EIF2B3: variants seen among roughly 807,000 people sequenced by gnomAD.
EIF2B3 encodes the protein translation initiation factor eIF2B subunit gamma.
EIF2B3 carries 20 observed loss-of-function variants against 54.1 expected under a neutral mutation model. The ratio of observed to expected loss-of-function variants is 0.37; its 90% CI spans 0.26 to 0.54. The LOEUF is 0.54. Ranked by LOEUF, EIF2B3 falls within the 20% of genes least tolerant of loss-of-function variation. The pLI is 0.86. For synonymous variants in EIF2B3, 153 were observed against 188.1 expected (o/e 0.81, Z 1.52); for missense variants, 448 against 547.8 (o/e 0.82, Z 1.82).
chr1:44,863,677 C>T (rs1395598324), intron 10 of EIF2B3, among the ~76,000 whole-genome samples: 1 of 152,178 alleles, frequency 6.6e-6, no homozygotes, highest in Non-Finnish European at 1.5e-5. Flanking sequence ...CATTTCCTTC[C>T]TTCTTCCACC....
Position 44,866,900 on chromosome 1 carries a change from A to G in EIF2B3, c.1202+7778T>C, listed in dbSNP as rs1023494617. ...GCTGCATGGAAGAGTTGGAATATGC[A>G]TTGGATCTTGCAAGATGGGTAGGAT... On this transcript the variant is annotated intron_variant, in intron 10 of 11. Transcript: ENST00000360403. 3.9e-5 allele frequency among the ~76,000 whole-genome samples: 6 copies of G among 152,284 alleles called. 1 individual carries two copies. The South Asian group carries it at 8.3e-4, about 21-fold the overall frequency.
chr1:44,927,797 A>C (rs905790856), intron 4 of EIF2B3, among the ~76,000 whole-genome samples: 7 of 152,098 alleles, frequency 4.6e-5, no homozygotes, highest in African/African-American at 1.4e-4. Flanking sequence ...ACTTATTCTC[A>C]GATAGCTCAG....
chr1:44,916,774 T>G (rs1192089639), intron 5 of EIF2B3, among the ~76,000 whole-genome samples: 3 of 148,104 alleles, frequency 2.0e-5, no homozygotes, highest in Non-Finnish European at 4.5e-5. Context: ...AGTGAGCCAC[T>G]GTACTCCAGC....
At chr1:44,932,864 T>C (rs1643909734) in intron 4 of EIF2B3, among the ~76,000 whole-genome samples, 1 of 152,162 alleles carries the variant, frequency 6.6e-6, no homozygotes, top group African/African-American at 2.4e-5. Context: ...CTTTCAGGGA[T>C]ACAAAAGCTC....
intron 6 of EIF2B3, among the ~76,000 whole-genome samples, chr1:44,896,112 T>C (rs1179688296): frequency 3.3e-5 from 5 of 152,204 alleles, no homozygotes. Context: ...GTAATTTCCA[T>C]GAGGGCAGGG....
chr1:44,917,025 G>A (rs1009299024), intron 5 of EIF2B3, among the ~76,000 whole-genome samples: 1 of 152,054 alleles, frequency 6.6e-6, no homozygotes, highest in East Asian at 1.9e-4. Flanking sequence ...ACGGGACATT[G>A]TTCCTCTTGT....
At chr1:44,973,771 T>G (rs1239200212) in intron 3 of EIF2B3, among the ~76,000 whole-genome samples, 1 of 151,984 alleles carries the variant, frequency 6.6e-6, no homozygotes, top group Non-Finnish European at 1.5e-5. Context: ...GTCAAAATCA[T>G]AGAAATAGGA....
intron 8 of EIF2B3, among the ~76,000 whole-genome samples, chr1:44,878,813 C>T (rs986867566): frequency 1.3e-5 from 2 of 150,634 alleles, no homozygotes; most frequent in South Asian, 2.1e-4. Flanking sequence ...GGCTGGAGTG[C>T]GGTGGTGCAA....
chr1:44,885,948 T>A (rs796843915), intron 6 of EIF2B3, among the ~76,000 whole-genome samples: 1 of 148,452 alleles, frequency 6.7e-6, no homozygotes, highest in Admixed American at 6.9e-5. Context: ...GGTTTCACCA[T>A]GTTGGTCAGG....
intron 6 of EIF2B3, among the ~76,000 whole-genome samples, chr1:44,888,781 G>T (rs1114390): frequency 0.23 from 34,274 of 152,072 alleles, 4,514 homozygotes; most frequent in African/African-American, 0.37. Flanking sequence ...GTCTCCATCT[G>T]GTTTTATGTC....
intron 3 of EIF2B3, among the ~76,000 whole-genome samples, chr1:44,969,123 A>C (rs917511866): frequency 3.3e-5 from 5 of 152,194 alleles, no homozygotes; most frequent in Non-Finnish European, 7.3e-5. Context: ...TAACATCACA[A>C]AATGAAAGAC....
chr1:44,948,611 G>A (rs183084918), intron 3 of EIF2B3, among the ~76,000 whole-genome samples: 645 of 151,836 alleles, frequency 4.2e-3, no homozygotes, highest in Non-Finnish European at 7.6e-3. Context: ...TATAAAGATA[G>A]ACATTTAAAA....
intron 3 of EIF2B3, among the ~76,000 whole-genome samples, chr1:44,969,241 T>C (rs755992048): frequency 2.0e-5 from 3 of 152,132 alleles, no homozygotes; most frequent in African/African-American, 4.8e-5. Flanking sequence ...TTACAGACTA[T>C]ACATACAGAG....
intron 5 of EIF2B3, among the ~76,000 whole-genome samples, chr1:44,899,353 C>T (rs1481303885): frequency 6.6e-6 from 1 of 152,194 alleles, no homozygotes; most frequent in Non-Finnish European, 1.5e-5. Flanking sequence ...GATTAAAGAG[C>T]TTCTGCACAG....
intron 5 of EIF2B3, among the ~76,000 whole-genome samples, chr1:44,920,767 C>A (rs1404944004): frequency 6.6e-6 from 1 of 152,190 alleles, no homozygotes; most frequent in Non-Finnish European, 1.5e-5. Context: ...ATATGTACCA[C>A]ATTTTCTTTA....
chr1:44,928,055 G>A (rs1321930906), intron 4 of EIF2B3, among the ~76,000 whole-genome samples: 3 of 152,130 alleles, frequency 2.0e-5, no homozygotes, highest in Non-Finnish European at 4.4e-5. Flanking sequence ...AGGAAGCTGA[G>A]GCAGGGGGAT....
At chr1:44,891,744 T>C (rs1444669460) in intron 6 of EIF2B3, among the ~76,000 whole-genome samples, 1 of 152,156 alleles carries the variant, frequency 6.6e-6, no homozygotes, top group African/African-American at 2.4e-5. Context: ...TTTATAACAT[T>C]TGTAGGCTTC....
At chr1:44,968,401 A>G (rs952877882) in intron 3 of EIF2B3, among the ~76,000 whole-genome samples, 1 of 151,840 alleles carries the variant, frequency 6.6e-6, no homozygotes, top group South Asian at 2.1e-4. Flanking sequence ...GAAACTTCAC[A>G]TGAAAAGAAC....
intron 5 of EIF2B3, among the ~76,000 whole-genome samples, chr1:44,921,218 T>C (rs1018899397): frequency 2.6e-5 from 4 of 152,236 alleles, no homozygotes; most frequent in African/African-American, 9.6e-5. Flanking sequence ...TCAAATCTTT[T>C]GCCTATTTAA....
Sources: gnomAD v4.1 joint callset for allele counts (sites outside exome capture counted in the v4.1 genomes callset) on GRCh38, gnomAD v4.1.1 for gene constraint, MANE v1.5 for transcripts, NCBI Gene and HGNC (gene_info 2026-07-23, HGNC 2026-07-21) for gene names.